The following LRBA variants were observed in gnomAD, a reference collection of about 807,000 sequenced individuals.
LRBA encodes LPS responsive beige-like anchor protein, also known as lipopolysaccharide-responsive and beige-like anchor protein.
Under a neutral mutation model 330.0 loss-of-function variants are expected in LRBA, and 176 were observed. That is an observed-to-expected ratio of 0.53 (90% CI 0.47 to 0.60). The LOEUF is 0.60. LRBA is among the 20% of genes least tolerant of loss of function. The pLI, the probability that LRBA is intolerant of heterozygous loss-of-function variation, is 0.00. For synonymous variants in LRBA, 1,230 were observed against 1,193.0 expected, an observed-to-expected ratio of 1.03 and a Z score of -0.64; for missense variants, 3,259 against 3,444.8, an observed-to-expected ratio of 0.95 and a Z score of 1.35.
chr4:150,655,746 CA>C (rs1026289339), intron 37 of LRBA, among the ~76,000 whole-genome samples: 1 of 152,054 alleles, frequency 6.6e-6, no homozygotes, highest in Non-Finnish European at 1.5e-5. Context: ...AAACAAATAG[CA>C]ATGGAAATGA....
intron 37 of LRBA, among the ~76,000 whole-genome samples, chr4:150,627,751 C>T (rs1156933886): frequency 6.6e-6 from 1 of 151,940 alleles, no homozygotes; most frequent in Non-Finnish European, 1.5e-5. Flanking sequence ...AATCATAAGA[C>T]TACTTAATAG....
In LRBA at chr4:150,852,907, T is replaced by C. The variant is rs375585628; in HGVS notation, c.2803A>G (p.Ile935Val). 1.9e-5 allele frequency: 31 copies of C among 1,592,010 alleles called. 1 individual carries two copies. The African/African-American group carries it at 3.8e-4, about 19-fold the overall frequency. ...FEIHKENLANIFREQQGKVDE... is the reference protein window; with the variant it reads ...FEIHKENLANVFREQQGKVDE... The stretch of plus-strand genomic sequence containing the variant: ...ACTTTTCCTTGCTGTTCCCTAAATA[T>C]ATTGGCAAGGTTTTCTTTGTGTATT... Residue 935 changes from isoleucine (I) to valine (V), a missense_variant, in exon 23 of 57, where the codon ATA becomes GTA. Physicochemically the swap from Ile to Val is conservative, Grantham distance 29 (BLOSUM62 3). Coordinates refer to ENST00000651943, the MANE Select transcript of LRBA (RefSeq NM_001364905.1).
At chr4:150,934,882 C>T (rs574745597) in intron 2 of LRBA, among the ~76,000 whole-genome samples, 1 of 152,198 alleles carries the variant, frequency 6.6e-6, no homozygotes, top group South Asian at 2.1e-4. Flanking sequence ...GTGACACATG[C>T]CTGTAATCCC....
Position 150,905,848 on chromosome 4 carries a change from G to A in LRBA, c.1745C>T (p.Thr582Ile), listed in dbSNP as rs774280019. ...ATAGATATATATTACCTTGGCTGGG[G>A]TATGAATCCATATGGCAGGATTAAG... Reference protein sequence around the residue: ...VLLNPAIWIHTPAKVQLMLYT... With the variant: ...VLLNPAIWIHIPAKVQLMLYT... Residue 582 changes from threonine to isoleucine, a missense_variant, in exon 13 of 57, where the codon ACC becomes ATC. Thr to Ile is a moderately conservative substitution (Grantham distance 89). Coordinates refer to ENST00000651943, the MANE Select transcript of LRBA (RefSeq NM_001364905.1). 4 of 1,612,776 alleles carry A rather than the reference G, an allele frequency of 2.5e-6. No homozygotes were observed. Among genetic ancestry groups the A allele is most frequent in the African/African-American group, 1.3e-5 (1 of 74,990 alleles).
At chr4:150,871,198 G>A (rs1401314321) in intron 19 of LRBA, 147 bp downstream of exon 19, 4 of 470,936 alleles carry the variant, frequency 8.5e-6, no homozygotes, top group Non-Finnish European at 1.6e-5. Context: ...AGCCAAGACT[G>A]TACCACTGCA....
intron 34 of LRBA, among the ~76,000 whole-genome samples, chr4:150,793,696 T>G (rs1740332407): frequency 6.6e-6 from 1 of 152,158 alleles, no homozygotes; most frequent in South Asian, 2.1e-4. Flanking sequence ...AGAATGAAAT[T>G]AACTATGGGT....
At chr4:150,373,114 A>G (rs1304096824) in intron 47 of LRBA, among the ~76,000 whole-genome samples, 1 of 141,446 alleles carries the variant, frequency 7.1e-6, no homozygotes, top group Non-Finnish European at 1.5e-5. Flanking sequence ...AAACAGCTTG[A>G]CTACAATCTC....
At chr4:150,891,425 T>C (rs1194561686) in intron 17 of LRBA, among the ~76,000 whole-genome samples, 1 of 152,236 alleles carries the variant, frequency 6.6e-6, no homozygotes. Context: ...AGATAGTTGG[T>C]CAAATATTTT....
intron 5 of LRBA, 66 bp downstream of exon 5, chr4:150,921,132 G>T: frequency 2.9e-6 from 3 of 1,026,468 alleles, no homozygotes; most frequent in Non-Finnish European, 4.6e-6. Context: ...GTGTTCACAG[G>T]GCTGTACTTT....
At chr4:150,700,388 A>G (rs968474368) in intron 36 of LRBA, among the ~76,000 whole-genome samples, 8 of 152,172 alleles carry the variant, frequency 5.3e-5, no homozygotes, top group Non-Finnish European at 1.2e-4. Flanking sequence ...TAAACACAGA[A>G]AAGGTATGGT....
At chr4:150,561,481 T>A (rs939460745) in intron 40 of LRBA, among the ~76,000 whole-genome samples, 1 of 152,090 alleles carries the variant, frequency 6.6e-6, no homozygotes, top group Non-Finnish European at 1.5e-5. Context: ...TCTGGGTGAG[T>A]CCAGTGTAAT....
intron 40 of LRBA, chr4:150,580,381 T>C (rs1219753412): frequency 6.6e-6 from 1 of 151,910 alleles, no homozygotes; most frequent in Non-Finnish European, 1.5e-5. Flanking sequence ...CCGCACCAGG[T>C]ATGTAAGAAA....
In LRBA at chr4:150,341,520, T is replaced by C. The variant is rs1015421501; in HGVS notation, c.7362+8472A>G. Among the ~76,000 whole-genome samples, 5 of 152,208 alleles carry C rather than the reference T, an allele frequency of 3.3e-5. No homozygotes were observed. The South Asian group carries it at 8.3e-4, about 25-fold the overall frequency. ...CCTACCACACGATTTTTTCAAGTCA[T>C]AGAGCCATACTGTGCTCTTTTCCAC... On this transcript the variant is annotated intron_variant, in intron 48 of 56. Transcript: ENST00000651943.
intron 55 of LRBA, among the ~76,000 whole-genome samples, chr4:150,280,281 CAT>C (rs1376924187): frequency 2.0e-5 from 3 of 152,308 alleles, no homozygotes; most frequent in East Asian, 1.9e-4. Context: ...GCCCCAGACA[CAT>C]GTTAATCTCA....
chr4:150,963,783 C>T (rs1464491805), intron 2 of LRBA, among the ~76,000 whole-genome samples: 2 of 145,664 alleles, frequency 1.4e-5, no homozygotes, highest in African/African-American at 2.7e-5. Flanking sequence ...TGTGAGGAGC[C>T]CCTCCGCCCG....
intron 41 of LRBA, among the ~76,000 whole-genome samples, chr4:150,490,022 C>T (rs1280592273): frequency 2.6e-5 from 4 of 151,320 alleles, no homozygotes; most frequent in Non-Finnish European, 4.4e-5. Context: ...TTTGGGACAG[C>T]AAGGATGCGG....
At chr4:150,638,151 C>T (rs1384258293) in intron 37 of LRBA, among the ~76,000 whole-genome samples, 1 of 151,750 alleles carries the variant, frequency 6.6e-6, no homozygotes, top group Non-Finnish European at 1.5e-5. Flanking sequence ...CCTGCCTCAG[C>T]CTCCCGAAAA....
chr4:150,414,879 T>A (rs1268750099), intron 47 of LRBA, among the ~76,000 whole-genome samples: 1 of 152,162 alleles, frequency 6.6e-6, no homozygotes, highest in Non-Finnish European at 1.5e-5. Context: ...GTCATATTAG[T>A]GTCTCGAAAA....
At chr4:150,360,726 T>C (rs1032770103) in intron 47 of LRBA, among the ~76,000 whole-genome samples, 4 of 152,226 alleles carry the variant, frequency 2.6e-5, no homozygotes, top group African/African-American at 9.6e-5. Context: ...GAAGAGGCCA[T>C]TACAATTCTC....
Sources: gnomAD v4.1 joint callset for allele counts (sites outside exome capture counted in the v4.1 genomes callset) on GRCh38, gnomAD v4.1.1 for gene constraint, MANE v1.5 for transcripts, NCBI Gene and HGNC (gene_info 2026-07-23, HGNC 2026-07-21) for gene names.